TENM2: variants seen among roughly 807,000 people sequenced by gnomAD.
The protein encoded by TENM2 is teneurin transmembrane protein 2, also known as teneurin-2.
Under a neutral mutation model 245.2 loss-of-function variants are expected in TENM2, and 52 were observed. The observed-to-expected ratio is 0.21, with a 90% CI of 0.17 to 0.27. The LOEUF (loss-of-function observed/expected upper bound fraction) is 0.27. Ranked by LOEUF, TENM2 falls within the 10% of genes least tolerant of loss-of-function variation. TENM2 has a pLI of 1.00. For synonymous variants in TENM2, 1,363 were observed against 1,438.9 expected (o/e 0.95, Z 1.19); for missense variants, 3,046 against 3,666.8 (o/e 0.83, Z 4.37).
intron 2 of TENM2, among the ~76,000 whole-genome samples, chr5:167,559,818 C>T (rs116464885): frequency 4.2e-4 from 64 of 152,276 alleles, no homozygotes; most frequent in Non-Finnish European, 8.4e-4. Flanking sequence ...CAGTTATGTT[C>T]AATGGGTAGG....
At chr5:167,453,071 C>T (rs1306349953) in intron 2 of TENM2, among the ~76,000 whole-genome samples, 4 of 149,596 alleles carry the variant, frequency 2.7e-5, no homozygotes, top group African/African-American at 7.4e-5. Context: ...GTCAGATTTC[C>T]ATGGATGAAG....
chr5:167,827,768 A>G (rs987835290), intron 2 of TENM2, among the ~76,000 whole-genome samples: 13 of 152,258 alleles, frequency 8.5e-5, no homozygotes, highest in Middle Eastern at 6.8e-3. Context: ...CAAAAAGTTA[A>G]TCAGGGATAA....
At chr5:167,927,452 T>G (rs1044174150) in intron 3 of TENM2, among the ~76,000 whole-genome samples, 1 of 152,162 alleles carries the variant, frequency 6.6e-6, no homozygotes, top group Non-Finnish European at 1.5e-5. Flanking sequence ...AATGCAGCGG[T>G]GCTAATGTAG....
chr5:167,337,410 A>G (rs1040369527), intron 1 of TENM2, among the ~76,000 whole-genome samples: 2 of 152,222 alleles, frequency 1.3e-5, no homozygotes, highest in Non-Finnish European at 2.9e-5. Context: ...TATAGTAACT[A>G]TATAACACAA....
intron 26 of TENM2, among the ~76,000 whole-genome samples, chr5:168,245,839 C>T (rs1766513262): frequency 6.6e-6 from 1 of 152,110 alleles, no homozygotes; most frequent in African/African-American, 2.4e-5. Context: ...GAATGATTGA[C>T]CAGGGGAGCA....
chr5:167,628,111 G>A (rs1485175182), intron 2 of TENM2, among the ~76,000 whole-genome samples: 1 of 152,196 alleles, frequency 6.6e-6, no homozygotes, highest in Non-Finnish European at 1.5e-5. Context: ...GAAGGTTGCT[G>A]TCACCAACTT....
chr5:167,865,921 G>T (rs1192704308), intron 2 of TENM2, among the ~76,000 whole-genome samples: 1 of 152,208 alleles, frequency 6.6e-6, no homozygotes, highest in Non-Finnish European at 1.5e-5. Flanking sequence ...ATACATGTTG[G>T]TGGAGTAAAT....
intron 2 of TENM2, among the ~76,000 whole-genome samples, chr5:167,717,414 G>A (rs1012774416): frequency 2.0e-5 from 3 of 152,092 alleles, no homozygotes; most frequent in African/African-American, 7.2e-5. Flanking sequence ...TTAGAAGTAG[G>A]TTGGACATGT....
At chr5:167,990,986 G>T (rs934895665) in intron 4 of TENM2, among the ~76,000 whole-genome samples, 5 of 152,154 alleles carry the variant, frequency 3.3e-5, no homozygotes, top group Non-Finnish European at 7.3e-5. Context: ...GGGTCTAACT[G>T]GATGTAAATA....
At chr5:167,231,526 G>T in the TENM2 span, among the ~76,000 whole-genome samples, 1 of 152,196 alleles carries the variant, frequency 6.6e-6, no homozygotes, top group Non-Finnish European at 1.5e-5. Context: ...GAATTTAAGA[G>T]AGATGATTTA....
At chr5:167,628,106 T>G (rs560730911) in intron 2 of TENM2, among the ~76,000 whole-genome samples, 1 of 152,270 alleles carries the variant, frequency 6.6e-6, no homozygotes, top group African/African-American at 2.4e-5. Flanking sequence ...CCTCAGAAGG[T>G]TGCTGTCACC....
In TENM2 at chr5:168,247,822, G is replaced by T; in HGVS notation, c.6883G>T (p.Gly2295Trp). 1 of 1,613,980 alleles carries T rather than the reference G, an allele frequency of 6.2e-7. No homozygotes were observed. Among genetic ancestry groups the T allele is most frequent in the South Asian group, 1.1e-5 (1 of 91,078 alleles). ...AACAAGAGCCTACAACAAGGCCAGC[G>T]GGTGGAGTGTCCAGTACCGCTATGA... The change falls in exon 27 of 29, where the codon GGG (glycine) becomes TGG (tryptophan). Residue 2295 changes from glycine (G) to tryptophan (W), a missense_variant. This residue lies in a region of TENM2 where 2,704 missense variants were observed against 3,331.9 expected (regional missense o/e 0.81). Coordinates refer to ENST00000518659, the Ensembl canonical transcript of TENM2. This position sits in a 1 kb window ranked among gnomAD's most constrained non-coding sequence, Gnocchi z 7.8.
At position 167,792,406 on chromosome 5, in the gene TENM2, T is replaced by G. The variant is rs201693275; in HGVS notation, c.503-83580T>G. Among the ~76,000 whole-genome samples, 40 of 152,088 alleles carry G rather than the reference T, an allele frequency of 2.6e-4. No individual in the cohort carries two copies. The East Asian group carries it at 7.8e-3, about 30-fold the overall frequency. Reference sequence around the variant, plus strand: ...CATTTTGGGAGGAGATTCTTTCTGCTCAGGGCCCATTTCCCCATTATTGTT... The same window carrying G: ...CATTTTGGGAGGAGATTCTTTCTGCGCAGGGCCCATTTCCCCATTATTGTT... On this transcript the variant is annotated intron_variant, in intron 2 of 28. Transcript: ENST00000518659.
intron 2 of TENM2, among the ~76,000 whole-genome samples, chr5:167,776,641 CTATATATA>C (rs10522774): frequency 0.2 from 23,171 of 116,064 alleles, 4,070 homozygotes; most frequent in African/African-American, 0.36. Flanking sequence ...ATATATGTAT[CTATATATA>C]TATATATATA....
At chr5:167,049,367 C>T in the TENM2 span, among the ~76,000 whole-genome samples, 1 of 152,086 alleles carries the variant, frequency 6.6e-6, no homozygotes, top group Non-Finnish European at 1.5e-5. Flanking sequence ...GCCTTTCGTC[C>T]TAAAATTTAT....
the TENM2 span, among the ~76,000 whole-genome samples, chr5:167,094,530 A>AG: frequency 6.6e-6 from 1 of 152,224 alleles, no homozygotes; most frequent in African/African-American, 2.4e-5. Context: ...GAAGAAAAAA[A>AG]ACAGGCAGCT....
At chr5:167,984,484 C>A (rs1347020544) in intron 4 of TENM2, among the ~76,000 whole-genome samples, 1 of 152,086 alleles carries the variant, frequency 6.6e-6, no homozygotes, top group Non-Finnish European at 1.5e-5. Flanking sequence ...GGTGAAACCC[C>A]GTCTCTACTA....
At chr5:167,310,886 T>C (rs907888337) in intron 1 of TENM2, among the ~76,000 whole-genome samples, 1 of 152,226 alleles carries the variant, frequency 6.6e-6, no homozygotes, top group Non-Finnish European at 1.5e-5. Context: ...ATAATGGTTA[T>C]GCTGGGACCT....
At chr5:167,146,769 C>T in the TENM2 span, among the ~76,000 whole-genome samples, 2 of 152,072 alleles carry the variant, frequency 1.3e-5, no homozygotes, top group Admixed American at 1.3e-4. Flanking sequence ...TCCCTCATCT[C>T]TGCTTTTAAG....
Sources: gnomAD v4.1 joint callset for allele counts (sites outside exome capture counted in the v4.1 genomes callset) on GRCh38, gnomAD v4.1.1 for gene constraint, gnomAD v4.1.1 regional missense constraint, Gnocchi (gnomAD v3.1) non-coding constraint, MANE v1.5 for transcripts, NCBI Gene and HGNC (gene_info 2026-07-23, HGNC 2026-07-21) for gene names.